ZNF892: variants seen among roughly 807,000 people sequenced by gnomAD.
ZNF892 encodes the protein zinc finger protein 570-like.
At chr2:95,214,836 C>A in the ZNF892 span, 1 of 492,730 alleles carries the variant, frequency 2.0e-6, no homozygotes. Flanking sequence ...TACTCTGCAC[C>A]AGAGAATTCA....
the ZNF892 span, among the ~76,000 whole-genome samples, chr2:95,225,014 C>A: frequency 2.0e-5 from 3 of 152,112 alleles, no homozygotes; most frequent in Admixed American, 6.6e-5. Context: ...GGCTCCAGAA[C>A]GGTGAGGAAA....
chr2:95,235,882 G>A, the ZNF892 span, among the ~76,000 whole-genome samples: 1 of 152,208 alleles, frequency 6.6e-6, no homozygotes, highest in Non-Finnish European at 1.5e-5. Context: ...AGAGGAAGAA[G>A]CTCAAAGGTG....
chr2:95,237,489 T>G, the ZNF892 span, among the ~76,000 whole-genome samples: 1 of 152,208 alleles, frequency 6.6e-6, no homozygotes, highest in Admixed American at 6.5e-5. Flanking sequence ...GACCAGACAC[T>G]CCCCTCCCCA....
At chr2:95,240,809 A>C in the ZNF892 span, among the ~76,000 whole-genome samples, 623 of 152,208 alleles carry the variant, frequency 4.1e-3, 5 homozygotes, top group African/African-American at 0.014. Flanking sequence ...GGTTCAGTCA[A>C]CTCAGCCGTT....
At chr2:95,260,638 T>C in the ZNF892 span, among the ~76,000 whole-genome samples, 1 of 152,184 alleles carries the variant, frequency 6.6e-6, no homozygotes, top group Non-Finnish European at 1.5e-5. Flanking sequence ...GCCAGTCTCC[T>C]GGGTTCTCAT....
chr2:95,226,303 A>G, the ZNF892 span, among the ~76,000 whole-genome samples: 1 of 152,218 alleles, frequency 6.6e-6, no homozygotes, highest in Non-Finnish European at 1.5e-5. Context: ...TAGGACCTCT[A>G]GTACTATGTT....
the ZNF892 span, among the ~76,000 whole-genome samples, chr2:95,206,424 G>A: frequency 1.3e-5 from 2 of 152,210 alleles, no homozygotes; most frequent in Non-Finnish European, 2.9e-5. Context: ...TTTCGGCCCC[G>A]AGGAAGGGAG....
the ZNF892 span, among the ~76,000 whole-genome samples, chr2:95,260,358 C>T: frequency 1.3e-5 from 2 of 152,092 alleles, no homozygotes; most frequent in African/African-American, 2.4e-5. Context: ...GTCTGGCCTC[C>T]GTGTTACCCG....
the ZNF892 span, among the ~76,000 whole-genome samples, chr2:95,236,177 A>G: frequency 6.6e-6 from 1 of 152,322 alleles, no homozygotes; most frequent in South Asian, 2.1e-4. Flanking sequence ...TTGGCAATAT[A>G]GTTAATGTTT....
the ZNF892 span, among the ~76,000 whole-genome samples, chr2:95,245,245 ATTT>A: frequency 7.1e-4 from 55 of 77,716 alleles, no homozygotes; most frequent in African/African-American, 2.5e-3. Context: ...CCTGGAGCTG[ATTT>A]TTTTTTTTTT....
At chr2:95,241,764 G>C in the ZNF892 span, among the ~76,000 whole-genome samples, 4 of 152,106 alleles carry the variant, frequency 2.6e-5, no homozygotes, top group African/African-American at 9.7e-5. Context: ...AATGATACAG[G>C]AGCTGACAGC....
chr2:95,227,766 A>G, the ZNF892 span, among the ~76,000 whole-genome samples: 3 of 151,274 alleles, frequency 2.0e-5, no homozygotes, highest in African/African-American at 7.3e-5. Flanking sequence ...ACAGGCACAC[A>G]CCACCACATC....
the ZNF892 span, among the ~76,000 whole-genome samples, chr2:95,216,654 G>C: frequency 6.6e-6 from 1 of 152,014 alleles, no homozygotes; most frequent in African/African-American, 2.4e-5. Context: ...AAGATTATTG[G>C]ACATATTATT....
the ZNF892 span, among the ~76,000 whole-genome samples, chr2:95,249,819 GT>G: frequency 6.6e-6 from 1 of 152,022 alleles, no homozygotes; most frequent in Non-Finnish European, 1.5e-5. Context: ...GCGTAATAGT[GT>G]TTCAGTATTT....
chr2:95,245,462 G>C, the ZNF892 span, among the ~76,000 whole-genome samples: 2 of 126,936 alleles, frequency 1.6e-5, no homozygotes, highest in African/African-American at 3.0e-5. Context: ...GGGGGGGGGG[G>C]GTTTCACCAT....
chr2:95,254,401 T>G, the ZNF892 span, among the ~76,000 whole-genome samples: 2 of 152,356 alleles, frequency 1.3e-5, no homozygotes, highest in East Asian at 3.9e-4. Context: ...TTGCATATGT[T>G]GAACCAGGCT....
At chr2:95,249,229 A>ATTTT in the ZNF892 span, among the ~76,000 whole-genome samples, 10 of 70,622 alleles carry the variant, frequency 1.4e-4, 1 homozygote, top group Non-Finnish European at 2.1e-4. Context: ...ATATATATAT[A>ATTTT]TATTTTTTTT....
chr2:95,232,275 G>T, the ZNF892 span, among the ~76,000 whole-genome samples: 1 of 152,208 alleles, frequency 6.6e-6, no homozygotes, highest in African/African-American at 2.4e-5. Flanking sequence ...CATGCATCAG[G>T]CACTGTTTTA....
chr2:95,239,144 G>A, the ZNF892 span, among the ~76,000 whole-genome samples: 126 of 126,000 alleles, frequency 1.0e-3, no homozygotes, highest in Middle Eastern at 4.4e-3. Flanking sequence ...CGTCTCAAAG[G>A]AAAAAAAAAA....
Sources: allele counts gnomAD v4.1 joint callset (sites outside exome capture counted in the v4.1 genomes callset), GRCh38; gene constraint gnomAD v4.1.1; transcripts MANE v1.5; gene names NCBI Gene and HGNC (gene_info 2026-07-23, HGNC 2026-07-21).